Variants in SRGAP2 observed in about 807,000 individuals in gnomAD.
The protein encoded by SRGAP2 is SLIT-ROBO Rho GTPase-activating protein 2.
A neutral mutation model predicts 57.2 loss-of-function variants in SRGAP2; 15 were observed. That is an observed-to-expected ratio of 0.26 (90% confidence interval 0.18 to 0.40). SRGAP2 has a LOEUF of 0.40. SRGAP2 is among the 10% of genes least tolerant of loss of function. The pLI is 1.00. For missense variants in SRGAP2, 520 were observed against 669.6 expected (o/e 0.78, Z 2.47); for synonymous variants, 249 against 248.0 (o/e 1.00, Z -0.04).
chr1:206,291,259 T>TAC (rs1426010395), intron 2 of SRGAP2, among the ~76,000 whole-genome samples: 1 of 152,046 alleles, frequency 6.6e-6, no homozygotes, highest in Non-Finnish European at 1.5e-5. Flanking sequence ...TGTGATCTGT[T>TAC]ACTGTCTGAG....
chr1:206,419,265 T>C (rs1660079817), intron 11 of SRGAP2, 108 bp from the exon 12 acceptor site: 1 of 734,804 alleles, frequency 1.4e-6, no homozygotes. Context: ...CACACTGTTA[T>C]ACTGTGGCTG....
chr1:206,364,248 T>C (rs1482397063), intron 4 of SRGAP2, among the ~76,000 whole-genome samples: 3 of 149,466 alleles, frequency 2.0e-5, no homozygotes, highest in South Asian at 2.2e-4. Flanking sequence ...GGGGGAAATA[T>C]CACATTTTTT....
chr1:206,213,833 C>T (rs1378780017), intron 2 of SRGAP2, among the ~76,000 whole-genome samples: 1 of 150,656 alleles, frequency 6.6e-6, no homozygotes, highest in Non-Finnish European at 1.5e-5. Flanking sequence ...GGAGGAGAAT[C>T]GCTTGAATCC....
chr1:206,307,379 A>G (rs1170975768), intron 3 of SRGAP2, among the ~76,000 whole-genome samples: 1 of 152,276 alleles, frequency 6.6e-6, no homozygotes, highest in Admixed American at 6.5e-5. Flanking sequence ...TCAGGAGCCC[A>G]GTTGGCTTCA....
intron 19 of SRGAP2, 47 bp from the exon 20 acceptor site, chr1:206,453,153 C>A (rs1663482075): frequency 2.2e-6 from 1 of 459,210 alleles, no homozygotes; most frequent in South Asian, 4.6e-5. Flanking sequence ...TTTCCTGAGT[C>A]TGCAGGTCCC....
At chr1:206,248,301 G>C (rs569783439) in intron 2 of SRGAP2, among the ~76,000 whole-genome samples, 34 of 152,314 alleles carry the variant, frequency 2.2e-4, no homozygotes, top group South Asian at 6.2e-4. Context: ...GGGAGTTGCT[G>C]AGGTGGTATA....
At chr1:206,243,712 C>T (rs1668382084) in intron 2 of SRGAP2, among the ~76,000 whole-genome samples, 1 of 152,212 alleles carries the variant, frequency 6.6e-6, no homozygotes, top group South Asian at 2.1e-4. Context: ...TGTGCTGCTT[C>T]TTCCATGGAG....
chr1:206,372,964 C>CCTTTCTTTCCTTT lies in SRGAP2; in HGVS notation c.424-11041_424-11040insCTTTCTTTCTTTC, dbSNP rs1654761205. On this transcript the variant is annotated intron_variant, in intron 4 of 22. Transcript: ENST00000573034. ...CTTTCTTTCTTTCTTTCTTTTCTTT[C>CCTTTCTTTCCTTT]CTTTCTTTCTTTCTTTCTTTCTTTC... 8.6e-5 allele frequency among the ~76,000 whole-genome samples: 2 copies of CCTTTCTTTCCTTT among 23,358 alleles called. 1 individual carries two copies. Among genetic ancestry groups the CCTTTCTTTCCTTT allele is most frequent in the Non-Finnish European group, 1.5e-4 (2 of 13,096 alleles). 15.3% of individuals were successfully genotyped at this position (23,358 alleles called of 152,430 possible). A position where few individuals can be genotyped will look rare whatever the true frequency, so the allele number is the denominator to read the frequency against.
In SRGAP2 at chr1:206,454,101, C is replaced by T; in HGVS notation, c.2360+721C>T. 1.4e-6 allele frequency: 1 copy of T among 702,316 alleles called. No homozygotes were observed. Among genetic ancestry groups the T allele is most frequent in the Non-Finnish European group, 2.6e-6 (1 of 384,850 alleles). The allele number at this position is 702,316 out of a possible 1,614,324, so 43.5% of individuals were successfully genotyped here. On this transcript the variant is annotated intron_variant, in intron 20 of 22. Coordinates refer to ENST00000573034, the MANE Select transcript of SRGAP2 (RefSeq NM_015326.5). This position sits in a 1 kb window ranked among gnomAD's most constrained non-coding sequence, Gnocchi z 4.3. The stretch of plus-strand genomic sequence containing the variant: ...CAGCTCCCCTCCCTTGGATACGATG[C>T]TGTCAGTGTTTTTAGTCCTTCCCTT...
rs781976390 is a variant in SRGAP2, at chr1:206,415,980, G to A, written c.1441+7G>A. 2 of 779,544 alleles carry A rather than the reference G, an allele frequency of 2.6e-6. 1 individual carries two copies. Among genetic ancestry groups the A allele is most frequent in the South Asian group, 2.7e-5 (2 of 74,288 alleles). The allele number at this position is 779,544 out of a possible 1,614,324, so 48.3% of individuals were successfully genotyped here. On this transcript the variant is annotated splice_region_variant and intron_variant, in intron 11 of 22. Coordinates refer to ENST00000573034, the MANE Select transcript of SRGAP2 (RefSeq NM_015326.5). ...CAGAAAACCCTGGGAGAAAGTGAGT[G>A]TGGGAACCCTCTGCTAGAGGCTTGA...
At chr1:206,446,047 A>G in intron 17 of SRGAP2, 28 bp from the exon 18 acceptor site, 2 of 777,886 alleles carry the variant, frequency 2.6e-6, no homozygotes, top group South Asian at 2.7e-5. Context: ...AGAGCTTTCC[A>G]GCTTGCCCCC....
chr1:206,383,270 C>T (rs1195094202), intron 4 of SRGAP2, among the ~76,000 whole-genome samples: 6 of 150,300 alleles, frequency 4.0e-5, no homozygotes, highest in Non-Finnish European at 8.8e-5. Context: ...GCTGATCCAC[C>T]CACCTTGGCC....
At chr1:206,268,262 T>C (rs1669996632) in intron 2 of SRGAP2, among the ~76,000 whole-genome samples, 1 of 113,510 alleles carries the variant, frequency 8.8e-6, no homozygotes, top group African/African-American at 3.3e-5. Flanking sequence ...CAGGCCCCTG[T>C]GTGTGATGTT....
At chr1:206,410,989 T>A (rs1481204803) in intron 10 of SRGAP2, among the ~76,000 whole-genome samples, 3 of 152,186 alleles carry the variant, frequency 2.0e-5, no homozygotes, top group African/African-American at 7.2e-5. Flanking sequence ...GCCTCCCAAG[T>A]AGCTGGGATT....
intron 22 of SRGAP2, among the ~76,000 whole-genome samples, chr1:206,460,473 G>A (rs1199354203): frequency 2.0e-5 from 3 of 152,148 alleles, no homozygotes; most frequent in Non-Finnish European, 4.4e-5. Flanking sequence ...ACTGCCCTGA[G>A]TTGGGGAGGA....
Position 206,252,331 on chromosome 1 carries a change from A to C in SRGAP2, c.67+46294A>C, listed in dbSNP as rs1194059693. ...ATTGGTGCCTTAGACGCAAGCAAAA[A>C]GATATTAGCGCAGCTTTAGAAATAA... is the stretch of plus-strand genomic sequence containing the variant. On this transcript the variant is annotated intron_variant, in intron 2 of 22. Transcript: ENST00000573034. Among the ~76,000 whole-genome samples the C allele has an allele frequency of 7.2e-5, 11 of 152,204 alleles. No homozygotes were observed. In the South Asian group the frequency reaches 2.3e-3, roughly 32 times the overall value.
intron 2 of SRGAP2, among the ~76,000 whole-genome samples, chr1:206,259,596 C>T (rs1462951538): frequency 1.4e-5 from 2 of 147,838 alleles, no homozygotes; most frequent in African/African-American, 4.9e-5. Context: ...TTTGGCTTTC[C>T]AAAGTACTGG....
chr1:206,335,687 T>C (rs1190822939), intron 3 of SRGAP2, among the ~76,000 whole-genome samples: 2 of 150,972 alleles, frequency 1.3e-5, no homozygotes, highest in Non-Finnish European at 3.0e-5. Flanking sequence ...AGAAGGAGCC[T>C]GGACAATAAG....
Position 206,270,581 on chromosome 1 carries a change from CA to C in SRGAP2, c.68-32699del, listed in dbSNP as rs1275647074. On this transcript the variant is annotated intron_variant, in intron 2 of 22. Coordinates refer to ENST00000573034, the MANE Select transcript of SRGAP2 (RefSeq NM_015326.5). ...GGCAGCAAAAAATTGGAAACAATGG[CA>C]GGTACCACCAAAAAAAAGAGACTGG... Among the ~76,000 whole-genome samples, 3 of 149,730 alleles carry C rather than the reference CA, an allele frequency of 2.0e-5. No individual in the cohort carries two copies. In the East Asian group the frequency reaches 5.8e-4, roughly 29 times the overall value.
Sources: allele counts gnomAD v4.1 joint callset (sites outside exome capture counted in the v4.1 genomes callset), GRCh38; gene constraint gnomAD v4.1.1; non-coding constraint Gnocchi (gnomAD v3.1); transcripts MANE v1.5; gene names NCBI Gene and HGNC (gene_info 2026-07-23, HGNC 2026-07-21).